METTL24: variants seen among roughly 807,000 people sequenced by gnomAD.
METTL24 encodes probable methyltransferase-like protein 24.
In METTL24, 29 loss-of-function variants were observed where a neutral mutation model predicts 32.7. That is an observed-to-expected ratio of 0.89 (90% CI 0.66 to 1.21). The LOEUF (loss-of-function observed/expected upper bound fraction) is 1.21. Among genes scored for constraint, METTL24 ranks in the 50% most tolerant of loss-of-function variants. The probability of loss-of-function intolerance (pLI) is 0.00; values close to 1 mark genes in which losing one functional copy is unlikely to be tolerated. For synonymous variants in METTL24, 163 were observed against 179.5 expected, an observed-to-expected ratio of 0.91 and a Z score of 0.73; for missense variants, 439 against 468.1, an observed-to-expected ratio of 0.94 and a Z score of 0.57.
At chr6:110,248,246 C>T (rs1778206428) in intron 4 of METTL24, among the ~76,000 whole-genome samples, 1 of 152,176 alleles carries the variant, frequency 6.6e-6, no homozygotes, top group South Asian at 2.1e-4. Flanking sequence ...ATTACTCAGC[C>T]TTAGATATTT....
intron 3 of METTL24, among the ~76,000 whole-genome samples, chr6:110,311,469 T>TG (rs1771721140): frequency 9.9e-6 from 1 of 100,662 alleles, no homozygotes; most frequent in Non-Finnish European, 1.8e-5. Context: ...TCTTTCTTTG[T>TG]TTTTTTTTTT....
chr6:110,254,086 A>T, intron 4 of METTL24: 1 of 604,746 alleles, frequency 1.7e-6, no homozygotes, highest in East Asian at 3.5e-5. Context: ...GCCTCTATCA[A>T]TAATTTATTC....
In METTL24 at chr6:110,315,332, A is replaced by T; in HGVS notation, c.557+10T>A. The T allele has an allele frequency of 6.2e-7, 1 of 1,613,802 alleles. No individual in the cohort carries two copies. The highest frequency in any genetic ancestry group is 8.5e-7 in the Non-Finnish European group (1 of 1,179,954). On this transcript the variant is annotated intron_variant, in intron 3 of 4. Coordinates refer to ENST00000338882, the MANE Select transcript of METTL24 (RefSeq NM_001123364.3). ...TTGTGTTTTCTTCTGCTGTAAAAAA[A>T]TGTACTCACCCTAAGGAGTAGAGGC... is the stretch of plus-strand genomic sequence containing the variant.
At chr6:110,314,217 C>T (rs1350977325) in intron 3 of METTL24, among the ~76,000 whole-genome samples, 1 of 152,124 alleles carries the variant, frequency 6.6e-6, no homozygotes, top group Non-Finnish European at 1.5e-5. Context: ...ATCGATGTCA[C>T]ATTAGGGTCC....
At chr6:110,323,710 C>T (rs1414558802) in intron 1 of METTL24, among the ~76,000 whole-genome samples, 1 of 151,934 alleles carries the variant, frequency 6.6e-6, no homozygotes, top group Non-Finnish European at 1.5e-5. Context: ...AGGTTTGCTG[C>T]AATTCCCAGG....
chr6:110,268,489 A>C (rs1428639195), intron 4 of METTL24, among the ~76,000 whole-genome samples: 1 of 152,166 alleles, frequency 6.6e-6, no homozygotes, highest in Non-Finnish European at 1.5e-5. Context: ...GTAGCTATTA[A>C]TCTGAGTCTC....
chr6:110,252,420 T>C (rs1778298347), intron 4 of METTL24, among the ~76,000 whole-genome samples: 1 of 152,186 alleles, frequency 6.6e-6, no homozygotes, highest in Non-Finnish European at 1.5e-5. Flanking sequence ...ACTAGTCTTG[T>C]TGGATTAGGG....
In METTL24 at chr6:110,311,468, G is replaced by GTTTTTTT. The variant is rs1051868507; in HGVS notation, c.557+3867_557+3873dup. Among the ~76,000 whole-genome samples the GTTTTTTT allele has an allele frequency of 7.6e-4, 73 of 96,142 alleles. 1 individual carries two copies. Among genetic ancestry groups the GTTTTTTT allele is most frequent in the African/African-American group, 1.4e-3 (32 of 23,562 alleles). The allele number at this position is 96,142 out of a possible 152,430, so 63.1% of individuals were successfully genotyped here. The stretch of plus-strand genomic sequence containing the variant: ...TTCTTTTCTTTTCTTTTCTTTCTTT[G>GTTTTTTT]TTTTTTTTTTTTTTTTTTTTTTTGA... On this transcript the variant is annotated intron_variant, in intron 3 of 4. Coordinates refer to ENST00000338882, the MANE Select transcript of METTL24 (RefSeq NM_001123364.3).
chr6:110,315,138 G>A (rs1303593582), intron 3 of METTL24, among the ~76,000 whole-genome samples: 1 of 152,102 alleles, frequency 6.6e-6, no homozygotes, highest in African/African-American at 2.4e-5. Context: ...GAATGGGAGG[G>A]AAAGTGCCTC....
chr6:110,285,741 G>A (rs982309797), intron 4 of METTL24, among the ~76,000 whole-genome samples: 5 of 152,212 alleles, frequency 3.3e-5, no homozygotes, highest in African/African-American at 1.2e-4. Flanking sequence ...CTTTAGGAAA[G>A]GAAGTCACAC....
chr6:110,346,504 C>CTTTT (rs3068847), intron 1 of METTL24, among the ~76,000 whole-genome samples: 2,596 of 133,878 alleles, frequency 0.019, 138 homozygotes, highest in African/African-American at 0.071. Flanking sequence ...CTCTCTCTCT[C>CTTTT]TTTTTTTTTT....
intron 1 of METTL24, among the ~76,000 whole-genome samples, chr6:110,339,737 A>G (rs1273772808): frequency 6.6e-6 from 1 of 152,222 alleles, no homozygotes; most frequent in Non-Finnish European, 1.5e-5. Flanking sequence ...CACTGTTTCA[A>G]TCATACTTTA....
chr6:110,321,093 C>T (rs1327785015), intron 2 of METTL24, among the ~76,000 whole-genome samples: 4 of 152,030 alleles, frequency 2.6e-5, no homozygotes, highest in Non-Finnish European at 4.4e-5. Flanking sequence ...AAAAATTAGT[C>T]GGGCATGGTG....
chr6:110,278,185 T>C (rs958339928), intron 4 of METTL24, among the ~76,000 whole-genome samples: 9 of 152,196 alleles, frequency 5.9e-5, no homozygotes, highest in African/African-American at 2.2e-4. Flanking sequence ...AGTCTTTCAT[T>C]TCTGGTTCCC....
intron 4 of METTL24, among the ~76,000 whole-genome samples, chr6:110,285,631 T>G (rs893916154): frequency 2.0e-5 from 3 of 152,192 alleles, no homozygotes; most frequent in Non-Finnish European, 2.9e-5. Context: ...AGGCATTAGC[T>G]GTTTTTTTAA....
At chr6:110,277,153 G>A (rs780044346) in intron 4 of METTL24, among the ~76,000 whole-genome samples, 1 of 152,110 alleles carries the variant, frequency 6.6e-6, no homozygotes, top group Non-Finnish European at 1.5e-5. Flanking sequence ...GCTTTTCTTC[G>A]TGAAATTACA....
intron 1 of METTL24, among the ~76,000 whole-genome samples, chr6:110,330,590 C>CTT (rs2114761263): frequency 6.6e-6 from 1 of 152,272 alleles, no homozygotes; most frequent in Admixed American, 6.5e-5. Context: ...AGACTGAGAA[C>CTT]TGAGCTAATA....
chr6:110,295,379 T>C (rs2114728608), intron 4 of METTL24, among the ~76,000 whole-genome samples: 1 of 152,266 alleles, frequency 6.6e-6, no homozygotes, highest in Non-Finnish European at 1.5e-5. Context: ...AAACTGGTAG[T>C]CCTGTGAGGG....
chr6:110,354,106 G>A (rs75855003), intron 1 of METTL24, among the ~76,000 whole-genome samples: 2,692 of 152,218 alleles, frequency 0.018, 80 homozygotes, highest in African/African-American at 0.062. Context: ...TCCAGGGTGG[G>A]CATAATCAAA....
Sources: gnomAD v4.1 joint callset for allele counts (sites outside exome capture counted in the v4.1 genomes callset) on GRCh38, gnomAD v4.1.1 for gene constraint, MANE v1.5 for transcripts, NCBI Gene and HGNC (gene_info 2026-07-23, HGNC 2026-07-21) for gene names.